Variants in HIBADH observed in about 807,000 individuals in gnomAD.
The protein encoded by HIBADH is 3-hydroxyisobutyrate dehydrogenase, mitochondrial.
Under a neutral mutation model 36.1 loss-of-function variants are expected in HIBADH, and 25 were observed. That is an observed-to-expected ratio of 0.69 (90% CI 0.50 to 0.97). HIBADH has a LOEUF of 0.97. Among genes scored for constraint, HIBADH ranks in the 50% least tolerant of loss-of-function variants. The pLI is 0.00. For missense variants in HIBADH, 421 were observed against 418.0 expected, an observed-to-expected ratio of 1.01 and a Z score of -0.06; for synonymous variants, 160 against 149.5, an observed-to-expected ratio of 1.07 and a Z score of -0.51.
intron 4 of HIBADH, among the ~76,000 whole-genome samples, chr7:27,553,655 C>A (rs1784351983): frequency 6.6e-6 from 1 of 152,090 alleles, no homozygotes; most frequent in South Asian, 2.1e-4. Flanking sequence ...TTCTAAAAAT[C>A]ACTTTAAAAA....
chr7:27,526,393 G>A, intron 7 of HIBADH, 21 bp from the exon 8 acceptor site: 1 of 1,599,034 alleles, frequency 6.3e-7, no homozygotes, highest in Non-Finnish European at 8.5e-7. Context: ...CAGGAGGAGA[G>A]AACACGCTGA....
intron 5 of HIBADH, among the ~76,000 whole-genome samples, chr7:27,541,519 G>A (rs1384579406): frequency 6.6e-6 from 1 of 151,946 alleles, no homozygotes; most frequent in Non-Finnish European, 1.5e-5. Context: ...TGGAGTAGCT[G>A]CAGTGATGGG....
chr7:27,617,904 G>A (rs1183071681), intron 4 of HIBADH, among the ~76,000 whole-genome samples: 2 of 152,146 alleles, frequency 1.3e-5, no homozygotes, highest in Non-Finnish European at 2.9e-5. Context: ...CACTGGCTGG[G>A]TCCAAAGTGC....
chr7:27,642,841 C>T (rs557758212), intron 2 of HIBADH, among the ~76,000 whole-genome samples: 5 of 151,854 alleles, frequency 3.3e-5, no homozygotes, highest in Admixed American at 6.6e-5. Flanking sequence ...TTAGTAGAGA[C>T]GGGGTTTCAC....
At chr7:27,560,505 G>A (rs1784448701) in intron 4 of HIBADH, among the ~76,000 whole-genome samples, 1 of 152,122 alleles carries the variant, frequency 6.6e-6, no homozygotes, top group Admixed American at 6.6e-5. Context: ...TTGTATAGTG[G>A]TGAAGTCTGA....
At chr7:27,550,672 C>T (rs1201725360) in intron 4 of HIBADH, among the ~76,000 whole-genome samples, 1 of 152,118 alleles carries the variant, frequency 6.6e-6, no homozygotes, top group African/African-American at 2.4e-5. Flanking sequence ...ATTCTTAAAA[C>T]ATTCCTGGTG....
chr7:27,537,847 T>C (rs957375073), intron 6 of HIBADH, among the ~76,000 whole-genome samples: 8 of 152,078 alleles, frequency 5.3e-5, no homozygotes, highest in Non-Finnish European at 7.4e-5. Context: ...ATGAATGCTA[T>C]CCAGTTTTTA....
intron 2 of HIBADH, among the ~76,000 whole-genome samples, chr7:27,634,142 T>C (rs1166466606): frequency 1.3e-5 from 2 of 152,308 alleles, no homozygotes; most frequent in East Asian, 3.9e-4. Context: ...TCAAGTATCC[T>C]GGCATATTGT....
At chr7:27,642,832 T>C (rs1022249825) in intron 2 of HIBADH, among the ~76,000 whole-genome samples, 3 of 152,032 alleles carry the variant, frequency 2.0e-5, no homozygotes, top group African/African-American at 7.3e-5. Flanking sequence ...TTTGTATTTT[T>C]AGTAGAGACG....
Position 27,604,000 on chromosome 7 carries a change from TG to T in HIBADH, c.484+25370del, listed in dbSNP as rs202215157. On this transcript the variant is annotated intron_variant, in intron 4 of 7. Coordinates refer to ENST00000265395, the MANE Select transcript of HIBADH (RefSeq NM_152740.4). ...ACATAAAATAGATCATTTAGGCCAG[TG>T]GTATTTCAGTACATCGCCCCTCCTC... Among the ~76,000 whole-genome samples the T allele has an allele frequency of 4.3e-4, 65 of 152,240 alleles. No homozygotes were observed. In the East Asian group the frequency reaches 0.012, roughly 27 times the overall value.
At chr7:27,605,810 A>C (rs1056939639) in intron 4 of HIBADH, among the ~76,000 whole-genome samples, 3 of 152,054 alleles carry the variant, frequency 2.0e-5, no homozygotes, top group African/African-American at 7.2e-5. Context: ...TAAAATCGTT[A>C]TATCTTTAAC....
At chr7:27,565,222 C>A (rs999466465) in intron 4 of HIBADH, among the ~76,000 whole-genome samples, 1 of 152,154 alleles carries the variant, frequency 6.6e-6, no homozygotes, top group Admixed American at 6.5e-5. Context: ...CAAGCCTAAG[C>A]CTGCTTACCC....
intron 2 of HIBADH, among the ~76,000 whole-genome samples, chr7:27,638,778 A>G (rs974840516): frequency 2.0e-5 from 3 of 152,220 alleles, no homozygotes; most frequent in African/African-American, 7.2e-5. Context: ...AAGAGTAGGC[A>G]AAGGACATGA....
intron 2 of HIBADH, among the ~76,000 whole-genome samples, chr7:27,645,751 A>G (rs752470067): frequency 1.1e-4 from 17 of 152,164 alleles, no homozygotes; most frequent in South Asian, 4.2e-4. Flanking sequence ...GGTCATTCAT[A>G]TATCTTCCTG....
chr7:27,619,002 A>T (rs933860677), intron 4 of HIBADH, among the ~76,000 whole-genome samples: 3 of 152,138 alleles, frequency 2.0e-5, no homozygotes, highest in South Asian at 2.1e-4. Context: ...GGGATTACAT[A>T]TCAACATGAG....
At chr7:27,545,872 T>C (rs1784229722) in intron 4 of HIBADH, among the ~76,000 whole-genome samples, 1 of 152,166 alleles carries the variant, frequency 6.6e-6, no homozygotes, top group Non-Finnish European at 1.5e-5. Context: ...GCATCCCCAT[T>C]ATCTATTATA....
intron 4 of HIBADH, among the ~76,000 whole-genome samples, chr7:27,602,022 C>T (rs1300378472): frequency 6.6e-6 from 1 of 151,832 alleles, no homozygotes; most frequent in African/African-American, 2.4e-5. Flanking sequence ...ATTCTAGCAA[C>T]CCAAAGAAAC....
intron 4 of HIBADH, among the ~76,000 whole-genome samples, chr7:27,581,523 G>A (rs1022530558): frequency 2.0e-5 from 3 of 151,992 alleles, no homozygotes; most frequent in South Asian, 2.1e-4. Context: ...TTCCTTTTAC[G>A]GAAGGATGGA....
At chr7:27,553,529 C>T (rs1382492057) in intron 4 of HIBADH, among the ~76,000 whole-genome samples, 1 of 152,212 alleles carries the variant, frequency 6.6e-6, no homozygotes, top group Non-Finnish European at 1.5e-5. Flanking sequence ...ACAGAATGTT[C>T]CGCATGGAGC....
Sources: gnomAD v4.1 joint callset for allele counts (sites outside exome capture counted in the v4.1 genomes callset) on GRCh38, gnomAD v4.1.1 for gene constraint, MANE v1.5 for transcripts, NCBI Gene and HGNC (gene_info 2026-07-23, HGNC 2026-07-21) for gene names.